USP9X: variants seen among roughly 807,000 people sequenced by gnomAD.
USP9X encodes ubiquitin carboxyl-terminal hydrolase 9X.
In USP9X, 7 loss-of-function variants were observed where a neutral mutation model predicts 190.3. That is an observed-to-expected ratio of 0.04 (90% confidence interval 0.02 to 0.07). The LOEUF (loss-of-function observed/expected upper bound fraction) is 0.07. Ranked by LOEUF, USP9X falls within the 10% of genes least tolerant of loss-of-function variation. The pLI is 1.00. For synonymous variants in USP9X, 645 were observed against 659.5 expected (o/e 0.98, Z 0.34); for missense variants, 1,010 against 1,916.9 (o/e 0.53, Z 8.83).
rs1216879361 is a variant in USP9X, at chrX:41,170,105, G to A, written c.2747G>A (p.Arg916Gln). ...SHTNDTIGSV[R>Q]RCILNRIKAN... ...ACAAATGATACAATTGGTTCAGTACGACGATGTATTCTCAATCGTATTAAA... is the reference window on the plus strand; with the variant it reads ...ACAAATGATACAATTGGTTCAGTACAACGATGTATTCTCAATCGTATTAAA... Residue 916 changes from arginine (R) to glutamine (Q), a missense_variant, in exon 19 of 45, where the codon CGA becomes CAA. Coordinates refer to ENST00000378308, the MANE Select transcript of USP9X (RefSeq NM_001039591.3). 2 of 1,211,720 alleles carry A rather than the reference G, an allele frequency of 1.7e-6. No individual in the cohort carries two copies. Among genetic ancestry groups the A allele is most frequent in the Admixed American group, 2.2e-5 (1 of 46,045 alleles).
At chrX:41,167,365 C>T (rs2062686623) in intron 16 of USP9X, 117 bp from the exon 17 acceptor site, 1 of 522,230 alleles carries the variant, frequency 1.9e-6, no homozygotes, top group Non-Finnish European at 3.1e-6. Flanking sequence ...TCAAAGTCAA[C>T]TTACCATTAA....
At chrX:41,181,435 C>CCTTTTTT (rs1194811241) in intron 21 of USP9X, among the ~76,000 whole-genome samples, 3 of 38,572 alleles carry the variant, frequency 7.8e-5, no homozygotes, top group Non-Finnish European at 1.6e-4. Context: ...CCACACCTGA[C>CCTTTTTT]TTTTTTTTTT....
In USP9X at chrX:41,096,202, G is replaced by C. The variant is rs192477562; in HGVS notation, c.-159+10093G>C. 3.7e-3 allele frequency among the ~76,000 whole-genome samples: 419 copies of C among 112,410 alleles called. 4 individuals carry two copies. Among genetic ancestry groups the C allele is most frequent in the African/African-American group, 0.013 (392 of 30,926 alleles). On this transcript the variant is annotated intron_variant, in intron 1 of 44. Transcript: ENST00000378308. ...AAGCACAAGTGTCATCTTCCCCCCC[G>C]CTCCCCGCAAGGGGTTAGACTGGCA...
intron 34 of USP9X, 84 bp from the exon 35 acceptor site, chrX:41,215,814 AT>A: frequency 1.0e-6 from 1 of 978,652 alleles, no homozygotes; most frequent in South Asian, 2.4e-5. Flanking sequence ...AAGTCTTAAT[AT>A]CATTTAAAAG....
At chrX:41,160,799 G>A (rs766424757) in intron 14 of USP9X, among the ~76,000 whole-genome samples, 25 of 112,258 alleles carry the variant, frequency 2.2e-4, no homozygotes, top group African/African-American at 8.1e-4. Context: ...TAATTCTGCA[G>A]ATTAAAGAAT....
intron 1 of USP9X, among the ~76,000 whole-genome samples, chrX:41,108,727 G>A (rs1241556024): frequency 2.7e-5 from 3 of 111,665 alleles, no homozygotes; most frequent in Admixed American, 1.9e-4. Flanking sequence ...AACTGGGTTG[G>A]ACTGTGGCTC....
intron 31 of USP9X, among the ~76,000 whole-genome samples, chrX:41,202,259 G>T (rs899417598): frequency 9.0e-6 from 1 of 111,669 alleles, no homozygotes; most frequent in African/African-American, 3.3e-5. Context: ...TAGTCTTGTG[G>T]CAAAATTTAG....
intron 21 of USP9X, among the ~76,000 whole-genome samples, chrX:41,183,580 C>T (rs1346028529): frequency 3.6e-5 from 4 of 111,919 alleles, no homozygotes; most frequent in African/African-American, 1.3e-4. Context: ...TCACTACATT[C>T]CTTTCAGTGA....
chrX:41,211,947 C>G (rs1465500660), intron 33 of USP9X, among the ~76,000 whole-genome samples: 32 of 114,033 alleles, frequency 2.8e-4, no homozygotes, highest in African/African-American at 9.2e-4. Flanking sequence ...GGCCACCACC[C>G]CGTCTGGGAG....
At chrX:41,218,078 TACTC>T (rs1196772620) in intron 36 of USP9X, among the ~76,000 whole-genome samples, 3 of 112,418 alleles carry the variant, frequency 2.7e-5, no homozygotes, top group Non-Finnish European at 3.8e-5. Flanking sequence ...AATTTTTACT[TACTC>T]ATTTCAGGAA....
Position 41,150,940 on chromosome X carries a change from T to G in USP9X, c.1646T>G (p.Ile549Ser). Residue 549 changes from isoleucine to serine, a missense_variant, in exon 13 of 45, where the codon ATC becomes AGC. This residue lies in a region of USP9X where 104 missense variants were observed against 239.8 expected (regional missense o/e 0.43). Coordinates refer to ENST00000378308, the MANE Select transcript of USP9X (RefSeq NM_001039591.3). ...SCSQDRDTQK[I>S]QWIDRFIEEL... ...TTTAAGGACCGTGATACACAAAAGA[T>G]CCAATGGATAGATCGCTTTATAGAA... 1.7e-6 allele frequency: 2 copies of G among 1,206,330 alleles called. No homozygotes were observed. Among genetic ancestry groups the G allele is most frequent in the Non-Finnish European group, 2.2e-6 (2 of 893,200 alleles).
chrX:41,091,733 G>T (rs1222771891), intron 1 of USP9X, among the ~76,000 whole-genome samples: 1 of 111,539 alleles, frequency 9.0e-6, no homozygotes, highest in Non-Finnish European at 1.9e-5. Context: ...TTTTTCAGAT[G>T]AAAAAAATGG....
intron 31 of USP9X, 45 bp from the exon 32 acceptor site, chrX:41,205,258 A>G (rs1431393549): frequency 2.0e-6 from 2 of 1,004,920 alleles, no homozygotes; most frequent in African/African-American, 3.8e-5. Flanking sequence ...GTCTCAACGT[A>G]TTTTATTATA....
At chrX:41,136,661 G>A in intron 5 of USP9X, 143 bp from the exon 6 acceptor site, 1 of 466,861 alleles carries the variant, frequency 2.1e-6, no homozygotes, top group Non-Finnish European at 3.6e-6. Flanking sequence ...TTTGTCCTTT[G>A]ATAATCAGTT....
intron 23 of USP9X, among the ~76,000 whole-genome samples, chrX:41,185,650 AT>A (rs1324266388): frequency 1.1e-3 from 115 of 104,151 alleles, no homozygotes; most frequent in Middle Eastern, 4.9e-3. Flanking sequence ...CTTTGTTAGG[AT>A]TTTTTTTTTT....
chrX:41,146,642 G>C (rs2062465964), intron 11 of USP9X, among the ~76,000 whole-genome samples: 1 of 70,273 alleles, frequency 1.4e-5, no homozygotes, highest in Admixed American at 1.6e-4. Flanking sequence ...GTATCTTTCT[G>C]TATATTTTTT....
At chrX:41,126,984 G>C (rs1220431782) in intron 2 of USP9X, among the ~76,000 whole-genome samples, 3 of 111,246 alleles carry the variant, frequency 2.7e-5, no homozygotes, top group African/African-American at 9.8e-5. Flanking sequence ...AGCCTTGGCA[G>C]AGACACCGTG....
intron 32 of USP9X, among the ~76,000 whole-genome samples, chrX:41,209,007 CT>C (rs1240139009): frequency 9.0e-6 from 1 of 111,600 alleles, no homozygotes; most frequent in Non-Finnish European, 1.9e-5. Flanking sequence ...CGCGCCCGGC[CT>C]TTTTTCTTAA....
At chrX:41,145,255 A>G (rs1350620894) in intron 11 of USP9X, among the ~76,000 whole-genome samples, 1 of 111,852 alleles carries the variant, frequency 8.9e-6, no homozygotes, top group Non-Finnish European at 1.9e-5. Context: ...AAAAATAATA[A>G]TTATACTGAC....
Sources: allele counts gnomAD v4.1 joint callset (sites outside exome capture counted in the v4.1 genomes callset), GRCh38; gene constraint gnomAD v4.1.1; regional missense constraint gnomAD v4.1.1; transcripts MANE v1.5; gene names NCBI Gene and HGNC (gene_info 2026-07-23, HGNC 2026-07-21).